The following GTF2A1L variants were observed in gnomAD, a reference collection of about 807,000 sequenced individuals.
The protein encoded by GTF2A1L is general transcription factor IIA subunit 1 like.
GTF2A1L carries 48 observed loss-of-function variants against 49.7 expected under a neutral mutation model. That is an observed-to-expected ratio of 0.97 (90% CI 0.77 to 1.23). The LOEUF is 1.23. Among genes scored for constraint, GTF2A1L ranks in the 50% most tolerant of loss-of-function variants. The probability of loss-of-function intolerance (pLI) is 0.00; values close to 1 mark genes in which losing one functional copy is unlikely to be tolerated. For missense variants in GTF2A1L, 736 were observed against 564.8 expected (o/e 1.30, Z -3.07); for synonymous variants, 246 against 193.5 (o/e 1.27, Z -2.25).
At chr2:48,661,118 T>G (rs1678468323) in intron 6 of GTF2A1L, among the ~76,000 whole-genome samples, 1 of 152,094 alleles carries the variant, frequency 6.6e-6, no homozygotes, top group Admixed American at 6.5e-5. Context: ...TCTGCTAGCT[T>G]TAGTTTTGAT....
intron 6 of GTF2A1L, among the ~76,000 whole-genome samples, chr2:48,654,721 T>G (rs545270902): frequency 1.6e-4 from 24 of 152,290 alleles, no homozygotes; most frequent in Non-Finnish European, 2.6e-4. Flanking sequence ...TCAATTGTTT[T>G]AGCATTGTTT....
At chr2:48,644,443 T>A (rs1000345714) in intron 4 of GTF2A1L, among the ~76,000 whole-genome samples, 7 of 152,228 alleles carry the variant, frequency 4.6e-5, no homozygotes, top group African/African-American at 1.7e-4. Flanking sequence ...CAAACTTTTG[T>A]TGGTGAACAT....
chr2:48,669,786 A>C lies in GTF2A1L; in HGVS notation c.1043A>C (p.Gln348Pro). 6.2e-7 allele frequency: 1 copy of C among 1,614,012 alleles called. No homozygotes were observed. Among genetic ancestry groups the C allele is most frequent in the East Asian group, 2.2e-5 (1 of 44,834 alleles). The change falls in exon 7 of 9, where the codon CAA becomes CCA. Residue 348 changes from glutamine (Q) to proline (P), a missense_variant. By Grantham distance (76) the Gln-to-Pro change is moderately conservative. Coordinates refer to ENST00000403751, the MANE Select transcript of GTF2A1L (RefSeq NM_006872.5). ...VTDDDIGEII[Q>P]VDGSGDTSSN... ...GATGATGATATTGGTGAAATAATTC[A>C]AGTAGATGGAAGCGGTGATACATCT...
intron 7 of GTF2A1L, 114 bp downstream of exon 7, chr2:48,670,096 A>G (rs201780894): frequency 6.3e-6 from 9 of 1,428,058 alleles, no homozygotes; most frequent in Non-Finnish European, 8.3e-6. Flanking sequence ...CTCTTTTGAA[A>G]TAAGACTTAT....
chr2:48,678,786 G>C (rs1448287875), intron 8 of GTF2A1L, among the ~76,000 whole-genome samples: 1 of 151,832 alleles, frequency 6.6e-6, no homozygotes, highest in African/African-American at 2.4e-5. Flanking sequence ...GATAATATTG[G>C]CTACATCTTC....
chr2:48,660,196 T>C (rs1678409609), intron 6 of GTF2A1L, among the ~76,000 whole-genome samples: 1 of 152,182 alleles, frequency 6.6e-6, no homozygotes, highest in Admixed American at 6.5e-5. Flanking sequence ...TGCCAGTATT[T>C]TGTTGAGGAT....
Position 48,669,760 on chromosome 2 carries a change from T to A in GTF2A1L, c.1017T>A (p.Thr339=), listed in dbSNP as rs527589679. 6.2e-7 allele frequency: 1 copy of A among 1,613,866 alleles called. No individual in the cohort carries two copies. Among genetic ancestry groups the A allele is most frequent in the Non-Finnish European group, 8.5e-7 (1 of 1,179,884 alleles). Residue 339 remains threonine (T), a synonymous_variant, in exon 7 of 9, where the codon ACT becomes ACA. Coordinates refer to ENST00000403751, the MANE Select transcript of GTF2A1L (RefSeq NM_006872.5). ...AGGTGGATTTAAGCATTCGGGTTACTGATGATGATATTGGTGAAATAATTC... is the reference window on the plus strand; with the variant it reads ...AGGTGGATTTAAGCATTCGGGTTACAGATGATGATATTGGTGAAATAATTC... ...NSQVDLSIRV[T]DDDIGEIIQV...
chr2:48,636,088 A>G (rs1457345964), intron 3 of GTF2A1L, among the ~76,000 whole-genome samples: 1 of 152,152 alleles, frequency 6.6e-6, no homozygotes, highest in Non-Finnish European at 1.5e-5. Flanking sequence ...AGTATCCTGC[A>G]TGATTCCATT....
At chr2:48,622,628 C>T (rs1337709657) in intron 3 of GTF2A1L, among the ~76,000 whole-genome samples, 1 of 152,044 alleles carries the variant, frequency 6.6e-6, no homozygotes, top group Non-Finnish European at 1.5e-5. Context: ...CTAGACCAGC[C>T]TGGCCAACAT....
At position 48,646,942 on chromosome 2, in the gene GTF2A1L, A is replaced by G. The variant is rs748206162; in HGVS notation, c.878A>G (p.Asp293Gly). The G allele has an allele frequency of 7.4e-6, 12 of 1,614,168 alleles. No homozygotes were observed. In the South Asian group the frequency reaches 1.3e-4, roughly 18 times the overall value. ...GGGGCTCTCCACCAGCACGTGACTGATATTCAGCTTCATATTCTTAAAAAT... is the reference window on the plus strand; with the variant it reads ...GGGGCTCTCCACCAGCACGTGACTGGTATTCAGCTTCATATTCTTAAAAAT... ...PHGALHQHVT[D>G]IQLHILKNRM... is the part of the protein sequence containing the mutation. Residue 293 changes from aspartate to glycine, a missense_variant, in exon 6 of 9, where the codon GAT (aspartate) becomes GGT (glycine). Physicochemically the swap from Asp to Gly is moderately conservative, Grantham distance 94. Transcript: ENST00000403751.
rs147334413 is a variant in GTF2A1L at position 48,669,798 on chromosome 2, G to T, written c.1055G>T (p.Ser352Ile). The change falls in exon 7 of 9, where the codon AGC becomes ATC. Residue 352 changes from serine to isoleucine, a missense_variant. By Grantham distance (142) the Ser-to-Ile change is moderately radical. Coordinates refer to ENST00000403751, the MANE Select transcript of GTF2A1L (RefSeq NM_006872.5). ...GGTGAAATAATTCAAGTAGATGGAA[G>T]CGGTGATACATCTTCCAATGAAGAA... ...DIGEIIQVDGSGDTSSNEEIG... is the reference protein window; with the variant it reads ...DIGEIIQVDGIGDTSSNEEIG... 1 of 1,614,038 alleles carries T rather than the reference G, an allele frequency of 6.2e-7. No individual in the cohort carries two copies. The highest frequency in any genetic ancestry group is 1.7e-5 in the Admixed American group (1 of 60,022).
intron 6 of GTF2A1L, among the ~76,000 whole-genome samples, chr2:48,654,433 C>G (rs965369482): frequency 6.6e-6 from 1 of 151,970 alleles, no homozygotes; most frequent in Non-Finnish European, 1.5e-5. Context: ...GAGTCTCGCT[C>G]TGTCGCCCAG....
At position 48,642,728 on chromosome 2, in the gene GTF2A1L, G is replaced by A. The variant is rs188486266; in HGVS notation, c.303+271G>A. ...AAATTAGCTGGGTGTAGTGGTGGGC[G>A]CCTAGTAATCCCAGCTACTCAGGAG... On this transcript the variant is annotated intron_variant, in intron 4 of 8. Transcript: ENST00000403751. 3.9e-5 allele frequency among the ~76,000 whole-genome samples: 6 copies of A among 152,086 alleles called. No homozygotes were observed. The South Asian group carries it at 6.2e-4, about 16-fold the overall frequency.
At chr2:48,628,169 T>C (rs1676393704) in intron 3 of GTF2A1L, among the ~76,000 whole-genome samples, 1 of 144,068 alleles carries the variant, frequency 6.9e-6, no homozygotes, top group South Asian at 2.4e-4. Context: ...CTGTTGTGAA[T>C]AGTACTGTGA....
chr2:48,664,063 C>A (rs186480469), intron 6 of GTF2A1L, among the ~76,000 whole-genome samples: 163 of 152,104 alleles, frequency 1.1e-3, no homozygotes, highest in African/African-American at 3.9e-3. Context: ...TTTGGGGTTG[C>A]TTTATGTAGA....
intron 3 of GTF2A1L, among the ~76,000 whole-genome samples, chr2:48,622,091 A>G (rs1447110999): frequency 6.6e-6 from 1 of 152,240 alleles, no homozygotes; most frequent in Non-Finnish European, 1.5e-5. Context: ...GGATTGGATT[A>G]TCAGTAATAA....
rs1170219404 is a variant in GTF2A1L, at chr2:48,626,414, G to C, written c.247+5124G>C. Reference sequence around the variant, plus strand: ...TTTTTTTTGTATTTCTATAAAGAAAGTCATTGGAATTTTGATAAGAGATTT... The same window carrying C: ...TTTTTTTTGTATTTCTATAAAGAAACTCATTGGAATTTTGATAAGAGATTT... On this transcript the variant is annotated intron_variant, in intron 3 of 8. Coordinates refer to ENST00000403751, the MANE Select transcript of GTF2A1L (RefSeq NM_006872.5). Among the ~76,000 whole-genome samples, 8 of 144,050 alleles carry C rather than the reference G, an allele frequency of 5.6e-5. 2 individuals are homozygous for C. The highest frequency in any genetic ancestry group is 9.9e-5 in the African/African-American group (4 of 40,468). The allele number at this position is 144,050 out of a possible 152,430, so 94.5% of individuals were successfully genotyped here.
intron 8 of GTF2A1L, among the ~76,000 whole-genome samples, chr2:48,677,978 G>GGTGTGTGTGT (rs5830998): frequency 6.1e-5 from 9 of 147,924 alleles, no homozygotes; most frequent in African/African-American, 2.2e-4. Context: ...CTCTGAGATG[G>GGTGTGTGTGT]GTGTGTGTGT....
intron 8 of GTF2A1L, among the ~76,000 whole-genome samples, chr2:48,672,707 G>C (rs1310465160): frequency 6.6e-6 from 1 of 152,134 alleles, no homozygotes; most frequent in Non-Finnish European, 1.5e-5. Flanking sequence ...CTACAGCTGT[G>C]ATTATGTAGT....
Sources: allele counts gnomAD v4.1 joint callset (sites outside exome capture counted in the v4.1 genomes callset), GRCh38; gene constraint gnomAD v4.1.1; transcripts MANE v1.5; gene names NCBI Gene and HGNC (gene_info 2026-07-23, HGNC 2026-07-21).